Variants in LUZP2 observed in about 807,000 individuals in gnomAD.
The protein encoded by LUZP2 is leucine zipper protein 2.
In LUZP2, 52 loss-of-function variants were observed where a neutral mutation model predicts 51.6. The ratio of observed to expected loss-of-function variants is 1.01; its 90% CI spans 0.81 to 1.27. The LOEUF (loss-of-function observed/expected upper bound fraction) is 1.27. LUZP2 is among the 50% of genes most tolerant of loss of function. The pLI is 0.00. For synonymous variants in LUZP2, 154 were observed against 137.3 expected, an observed-to-expected ratio of 1.12 and a Z score of -0.85; for missense variants, 436 against 395.4, an observed-to-expected ratio of 1.10 and a Z score of -0.87.
chr11:24,814,092 G>T (rs533985745), intron 5 of LUZP2, among the ~76,000 whole-genome samples: 1 of 152,162 alleles, frequency 6.6e-6, no homozygotes, highest in Admixed American at 6.5e-5. Flanking sequence ...TCAACATTTT[G>T]TAAGTTAAAA....
At chr11:24,527,244 G>T (rs1214221998) in intron 1 of LUZP2, among the ~76,000 whole-genome samples, 2 of 151,128 alleles carry the variant, frequency 1.3e-5, no homozygotes, top group East Asian at 3.9e-4. Flanking sequence ...CACATATGTT[G>T]ATATACTTTG....
intron 7 of LUZP2, among the ~76,000 whole-genome samples, chr11:24,927,032 G>C (rs1235626487): frequency 6.6e-6 from 1 of 150,494 alleles, no homozygotes; most frequent in Non-Finnish European, 1.5e-5. Flanking sequence ...ATGTTTGTTG[G>C]CCATTTCTGT....
chr11:24,554,585 C>T (rs1419233920), intron 1 of LUZP2, among the ~76,000 whole-genome samples: 2 of 151,810 alleles, frequency 1.3e-5, no homozygotes, highest in Non-Finnish European at 2.9e-5. Flanking sequence ...AAATTCTCAG[C>T]ATTTTTGTTA....
intron 7 of LUZP2, among the ~76,000 whole-genome samples, chr11:24,934,790 A>G (rs1854545498): frequency 6.6e-6 from 1 of 152,152 alleles, no homozygotes; most frequent in African/African-American, 2.4e-5. Context: ...ATCTAGCCTC[A>G]AACTCTTTCT....
intron 1 of LUZP2, among the ~76,000 whole-genome samples, chr11:24,686,627 C>G (rs897716000): frequency 6.6e-6 from 1 of 152,124 alleles, no homozygotes; most frequent in Non-Finnish European, 1.5e-5. Context: ...AGCTTCACAT[C>G]TGTTATTTAT....
intron 9 of LUZP2, among the ~76,000 whole-genome samples, chr11:25,045,237 T>G (rs1298989380): frequency 6.6e-6 from 1 of 151,928 alleles, no homozygotes; most frequent in Non-Finnish European, 1.5e-5. Flanking sequence ...TGAAAGTAAT[T>G]AATGTATATA....
intron 4 of LUZP2, among the ~76,000 whole-genome samples, chr11:24,744,215 G>T (rs1016413422): frequency 2.6e-5 from 4 of 152,082 alleles, no homozygotes; most frequent in Non-Finnish European, 4.4e-5. Context: ...ATAGGGTGAT[G>T]CTGGCTTCAT....
At chr11:24,896,660 C>A (rs552633142) in intron 5 of LUZP2, among the ~76,000 whole-genome samples, 1 of 152,212 alleles carries the variant, frequency 6.6e-6, no homozygotes, top group Non-Finnish European at 1.5e-5. Flanking sequence ...TCCCATGGAC[C>A]GCCCAAGGGT....
chr11:24,841,449 G>A (rs1851030360), intron 5 of LUZP2, among the ~76,000 whole-genome samples: 1 of 152,020 alleles, frequency 6.6e-6, no homozygotes, highest in African/African-American at 2.4e-5. Flanking sequence ...CAGGTGGTAA[G>A]GGTCTTTGTA....
At chr11:24,502,286 A>G (rs190240082) in intron 1 of LUZP2, among the ~76,000 whole-genome samples, 95 of 148,406 alleles carry the variant, frequency 6.4e-4, no homozygotes, top group Admixed American at 4.9e-3. Context: ...CATAGTCATC[A>G]TCCAAAAGAA....
chr11:24,671,767 C>T (rs190986383), intron 1 of LUZP2, among the ~76,000 whole-genome samples: 15 of 152,046 alleles, frequency 9.9e-5, no homozygotes, highest in Admixed American at 2.0e-4. Context: ...CTAGTTGGAA[C>T]GTGTACTAAA....
Position 24,530,362 on chromosome 11 carries a change from G to A in LUZP2, c.62+33057G>A, listed in dbSNP as rs1317918267. On this transcript the variant is annotated intron_variant, in intron 1 of 11. Coordinates refer to ENST00000336930, the MANE Select transcript of LUZP2 (RefSeq NM_001009909.4). ...CATCTGATTTTTGATTAAATTATCA[G>A]AAATATGCTAAGCTCCAGACTGATC... 4.6e-5 allele frequency among the ~76,000 whole-genome samples: 7 copies of A among 150,752 alleles called. No individual in the cohort carries two copies. In the Admixed American group the frequency reaches 4.7e-4, roughly 10 times the overall value.
At chr11:25,018,255 G>A (rs1309183554) in intron 9 of LUZP2, among the ~76,000 whole-genome samples, 1 of 152,072 alleles carries the variant, frequency 6.6e-6, no homozygotes, top group Admixed American at 6.6e-5. Flanking sequence ...TTGACAAACA[G>A]AGAGTTTGAC....
intron 4 of LUZP2, among the ~76,000 whole-genome samples, chr11:24,748,116 C>T (rs1398395417): frequency 1.3e-5 from 2 of 152,146 alleles, no homozygotes; most frequent in Non-Finnish European, 2.9e-5. Context: ...CAACTGGAGA[C>T]TTCCTACTTC....
At chr11:25,016,621 A>T (rs1857166003) in intron 9 of LUZP2, among the ~76,000 whole-genome samples, 1 of 128,704 alleles carries the variant, frequency 7.8e-6, no homozygotes, top group African/African-American at 2.5e-5. Flanking sequence ...CACGTGTTAC[A>T]TATGTGTGTG....
intron 1 of LUZP2, among the ~76,000 whole-genome samples, chr11:24,695,995 C>A (rs564721487): frequency 1.3e-5 from 2 of 151,796 alleles, no homozygotes; most frequent in African/African-American, 2.4e-5. Flanking sequence ...TACTTGGGAT[C>A]GGTATATGTG....
At chr11:24,849,063 T>C (rs1361350754) in intron 5 of LUZP2, among the ~76,000 whole-genome samples, 1 of 152,132 alleles carries the variant, frequency 6.6e-6, no homozygotes, top group Non-Finnish European at 1.5e-5. Context: ...CTTTTTTTGC[T>C]ACTCAGCATT....
intron 4 of LUZP2, among the ~76,000 whole-genome samples, chr11:24,755,231 C>T (rs908104274): frequency 6.6e-6 from 1 of 152,068 alleles, no homozygotes; most frequent in Non-Finnish European, 1.5e-5. Context: ...CCTCAGAGAG[C>T]TGATAATACC....
chr11:24,597,805 A>G (rs1853491566), intron 1 of LUZP2, among the ~76,000 whole-genome samples: 1 of 152,146 alleles, frequency 6.6e-6, no homozygotes, highest in Non-Finnish European at 1.5e-5. Context: ...TTAGTCACAT[A>G]GAAGATACTC....
Sources: allele counts gnomAD v4.1 joint callset (sites outside exome capture counted in the v4.1 genomes callset), GRCh38; gene constraint gnomAD v4.1.1; transcripts MANE v1.5; gene names NCBI Gene and HGNC (gene_info 2026-07-23, HGNC 2026-07-21).